Variants in GSDME observed in about 807,000 individuals in gnomAD.
GSDME encodes the protein gasdermin E.
Under a neutral mutation model 47.5 loss-of-function variants are expected in GSDME, and 44 were observed. That is an observed-to-expected ratio of 0.93 (90% CI 0.73 to 1.19). The LOEUF is 1.19. GSDME is among the 50% of genes most tolerant of loss of function. The pLI, the probability that GSDME is intolerant of heterozygous loss-of-function variation, is 0.00. For missense variants in GSDME, 663 were observed against 604.2 expected, an observed-to-expected ratio of 1.10 and a Z score of -1.02; for synonymous variants, 258 against 252.8, an observed-to-expected ratio of 1.02 and a Z score of -0.20.
At chr7:24,734,342 G>A (rs953799368) in intron 3 of GSDME, among the ~76,000 whole-genome samples, 2 of 152,208 alleles carry the variant, frequency 1.3e-5, no homozygotes, top group Admixed American at 6.5e-5. Flanking sequence ...AGCCCAGATT[G>A]CAAAGGCTGC....
In GSDME at chr7:24,700,100, C is replaced by T. The variant is rs555209973; in HGVS notation, c.1258-841G>A. On this transcript the variant is annotated intron_variant, in intron 9 of 9. Coordinates refer to ENST00000645220, the MANE Select transcript of GSDME (RefSeq NM_001127453.2). ...AGCTACCCCCAGCCCCAGAACTCAG[C>T]CTTATGTTACTCCATTATGTTGTAT... 1.3e-4 allele frequency among the ~76,000 whole-genome samples: 20 copies of T among 152,270 alleles called. No homozygotes were observed. In the South Asian group the frequency reaches 4.1e-3, roughly 32 times the overall value.
chr7:24,744,570 A>G lies in GSDME; in HGVS notation c.396T>C (p.Ser132=). The G allele has an allele frequency of 6.2e-7, 1 of 1,614,178 alleles. No homozygotes were observed. Residue 132 remains serine, a synonymous_variant, in exon 3 of 10, where the codon TCT becomes TCC. Transcript: ENST00000645220. The surrounding 1 kb of genome is among the most constrained non-coding windows in gnomAD (Gnocchi z 4.5). Reference sequence around the variant, plus strand: ...CAAACAAGTCTCCTTACCTCTCGGCAGAGTCTCTGATGAGCTGCTGCAAAT... The same window carrying G: ...CAAACAAGTCTCCTTACCTCTCGGCGGAGTCTCTGATGAGCTGCTGCAAAT... ...EVDLQQLIRD[S]AERTINLRNP...
At chr7:24,713,961 A>C (rs1399762347) in intron 5 of GSDME, among the ~76,000 whole-genome samples, 1 of 152,184 alleles carries the variant, frequency 6.6e-6, no homozygotes, top group Non-Finnish European at 1.5e-5. Flanking sequence ...GTCTTTAAGG[A>C]AAGCGAGGTG....
At chr7:24,767,069 A>T in the GSDME span, among the ~76,000 whole-genome samples, 1,129 of 152,330 alleles carry the variant, frequency 7.4e-3, 11 homozygotes, top group African/African-American at 0.026. The surrounding 1 kb of genome is among the most constrained non-coding windows in gnomAD (Gnocchi z 5.3). Flanking sequence ...CACACCTGTC[A>T]TCCCAGCAAC....
In GSDME at chr7:24,745,113, C is replaced by T. The variant is rs376305580; in HGVS notation, c.212-359G>A. 2.7e-4 allele frequency among the ~76,000 whole-genome samples: 41 copies of T among 151,758 alleles called. 2 individuals are homozygous for T. The highest frequency in any genetic ancestry group is 1.1e-3 in the Admixed American group (17 of 15,258). On this transcript the variant is annotated intron_variant, in intron 2 of 9. Coordinates refer to ENST00000645220, the MANE Select transcript of GSDME (RefSeq NM_001127453.2). The surrounding 1 kb of genome is among the most constrained non-coding windows in gnomAD (Gnocchi z 4.4). ...CTTTCATTGGTTTTCAATCCCAATACGTATAGAAAGGTGCACAGAAAGGAC... is the reference window on the plus strand; with the variant it reads ...CTTTCATTGGTTTTCAATCCCAATATGTATAGAAAGGTGCACAGAAAGGAC...
At chr7:24,729,134 C>T (rs1431187342) in intron 3 of GSDME, among the ~76,000 whole-genome samples, 1 of 152,208 alleles carries the variant, frequency 6.6e-6, no homozygotes, top group African/African-American at 2.4e-5. Flanking sequence ...AATTAATTAA[C>T]TGCAACCAGT....
chr7:24,723,331 T>C (rs1789858610), intron 3 of GSDME, among the ~76,000 whole-genome samples: 1 of 151,968 alleles, frequency 6.6e-6, no homozygotes, highest in Non-Finnish European at 1.5e-5. Context: ...GGGGGAGAGC[T>C]GGTGTCCCCT....
the GSDME span, among the ~76,000 whole-genome samples, chr7:24,764,957 G>T: frequency 3.3e-5 from 5 of 152,290 alleles, no homozygotes; most frequent in Admixed American, 2.0e-4. This position sits in a 1 kb window ranked among gnomAD's most constrained non-coding sequence, Gnocchi z 4.4. Flanking sequence ...GAGGAGTGAC[G>T]TGCTGAAAAA....
rs1331728703 is a variant in GSDME, at chr7:24,721,610, A to T, written c.405-2392T>A. Among the ~76,000 whole-genome samples the T allele has an allele frequency of 6.6e-6, 1 of 152,210 alleles. No individual in the cohort carries two copies. Among genetic ancestry groups the T allele is most frequent in the Non-Finnish European group, 1.5e-5 (1 of 68,016 alleles). On this transcript the variant is annotated intron_variant, in intron 3 of 9. Coordinates refer to ENST00000645220, the MANE Select transcript of GSDME (RefSeq NM_001127453.2). The surrounding 1 kb of genome is among the most constrained non-coding windows in gnomAD (Gnocchi z 4.1). ...AGCCATTAGGGTGTGCCGAGCACAG[A>T]GTTAAATGCCACACAAACACTAGCT...
upstream of GSDME, among the ~76,000 whole-genome samples, chr7:24,762,545 C>CT (rs1299758346): frequency 1.3e-5 from 2 of 152,086 alleles, no homozygotes; most frequent in African/African-American, 2.4e-5. Context: ...CACCTAACAT[C>CT]TTTTTAACAA....
At chr7:24,747,899 C>T (rs1562714660) in intron 2 of GSDME, among the ~76,000 whole-genome samples, 2 of 152,058 alleles carry the variant, frequency 1.3e-5, no homozygotes, top group South Asian at 4.2e-4. Flanking sequence ...AACTCCTGGG[C>T]TCAAGCGATC....
At chr7:24,717,578 G>A (rs986038575) in intron 4 of GSDME, among the ~76,000 whole-genome samples, 1 of 152,144 alleles carries the variant, frequency 6.6e-6, no homozygotes, top group Admixed American at 6.5e-5. Context: ...CAAGTAAACG[G>A]CCAACCTGGT....
At position 24,705,068 on chromosome 7, in the gene GSDME, C is replaced by T. The variant is rs1789039362; in HGVS notation, c.1183+1116G>A. ...TTTCATGATGCTGGCCCTGTGTTAC[C>T]TACTTGGCATCACTGATCCAGGCTA... On this transcript the variant is annotated intron_variant, in intron 8 of 9. Coordinates refer to ENST00000645220, the MANE Select transcript of GSDME (RefSeq NM_001127453.2). The surrounding 1 kb of genome is among the most constrained non-coding windows in gnomAD (Gnocchi z 4.1). 6.6e-6 allele frequency: 1 copy of T among 152,136 alleles called. No homozygotes were observed. Among genetic ancestry groups the T allele is most frequent in the African/African-American group, 2.4e-5 (1 of 41,400 alleles). The allele number at this position is 152,136 out of a possible 1,614,324, so 9.4% of individuals were successfully genotyped here. A position where few individuals can be genotyped will look rare whatever the true frequency, so the allele number is the denominator to read the frequency against.
rs542496319 is a variant in GSDME at position 24,725,867 on chromosome 7, G to A, written c.405-6649C>T. ...TTGGGCATAAGACAATATGAGGGGT[G>A]GTCCCCTCCCTTAAGGAAGTGGACC... On this transcript the variant is annotated intron_variant, in intron 3 of 9. Coordinates refer to ENST00000645220, the MANE Select transcript of GSDME (RefSeq NM_001127453.2). This position sits in a 1 kb window ranked among gnomAD's most constrained non-coding sequence, Gnocchi z 5.1. Among the ~76,000 whole-genome samples, 1 of 152,130 alleles carries A rather than the reference G, an allele frequency of 6.6e-6. No homozygotes were observed. The highest frequency in any genetic ancestry group is 1.9e-4 in the East Asian group (1 of 5,172).
At chr7:24,788,002 C>T in the GSDME span, among the ~76,000 whole-genome samples, 1 of 152,102 alleles carries the variant, frequency 6.6e-6, no homozygotes, top group African/African-American at 2.4e-5. The surrounding 1 kb of genome is among the most constrained non-coding windows in gnomAD (Gnocchi z 4.6). Context: ...ACCACACTGG[C>T]CAAAGAGTTT....
the GSDME span, among the ~76,000 whole-genome samples, chr7:24,774,324 C>G: frequency 1.1e-5 from 1 of 94,228 alleles, no homozygotes; most frequent in African/African-American, 4.4e-5. Context: ...TTCCTTCTTC[C>G]CTCCCTCCCT....
rs559165827 is a variant in GSDME, at chr7:24,699,617, G to A, written c.1258-358C>T. Among the ~76,000 whole-genome samples, 5 of 152,318 alleles carry A rather than the reference G, an allele frequency of 3.3e-5. No homozygotes were observed. In the South Asian group the frequency reaches 8.3e-4, roughly 25 times the overall value. On this transcript the variant is annotated intron_variant, in intron 9 of 9. Transcript: ENST00000645220. ...GGCCTCCCAAAGTGCTGTGATTACAGACATGAGCCACCACGCCTGGCCAAC... is the reference window on the plus strand; with the variant it reads ...GGCCTCCCAAAGTGCTGTGATTACAAACATGAGCCACCACGCCTGGCCAAC...
chr7:24,729,254 T>C (rs538392298), intron 3 of GSDME, among the ~76,000 whole-genome samples: 1 of 152,376 alleles, frequency 6.6e-6, no homozygotes, highest in African/African-American at 2.4e-5. Context: ...GCTCTGTGCA[T>C]AGAAGTTGGA....
At position 24,706,217 on chromosome 7, in the gene GSDME, T is replaced by TAAAC. The variant is rs770414850; in HGVS notation, c.1146_1149dup (p.Met384ValfsTer17). Reference sequence around the variant, plus strand: ...GCACTGACCAAGAAGTAGGCTGTCATAAACAGCTGCTTGCTGCCTGCATCC... The same window carrying TAAAC: ...GCACTGACCAAGAAGTAGGCTGTCATAAACAAACAGCTGCTTGCTGCCTGCATCC... On this transcript the variant is annotated frameshift_variant, in exon 8 of 10. Transcript: ENST00000645220. LOFTEE classifies it high-confidence loss of function. 4 of 1,614,242 alleles carry TAAAC rather than the reference T, an allele frequency of 2.5e-6. No individual in the cohort carries two copies. In the East Asian group the frequency reaches 8.9e-5, roughly 36 times the overall value.
Sources: gnomAD v4.1 joint callset for allele counts (sites outside exome capture counted in the v4.1 genomes callset) on GRCh38, gnomAD v4.1.1 for gene constraint, Gnocchi (gnomAD v3.1) non-coding constraint, MANE v1.5 for transcripts, NCBI Gene and HGNC (gene_info 2026-07-23, HGNC 2026-07-21) for gene names.